Variants in RTN3 observed in about 807,000 individuals in gnomAD.
RTN3 encodes reticulon-3.
A neutral mutation model predicts 77.8 loss-of-function variants in RTN3; 49 were observed. The ratio of observed to expected loss-of-function variants is 0.63; its 90% CI spans 0.50 to 0.80. RTN3 has a LOEUF of 0.80. Ranked by LOEUF, RTN3 falls within the 30% of genes least tolerant of loss-of-function variation. The probability of loss-of-function intolerance (pLI) is 0.00; values close to 1 mark genes in which losing one functional copy is unlikely to be tolerated. For missense variants in RTN3, 1,236 were observed against 1,211.9 expected, an observed-to-expected ratio of 1.02 and a Z score of -0.29; for synonymous variants, 464 against 446.9, an observed-to-expected ratio of 1.04 and a Z score of -0.48.
At chr11:63,725,444 C>CCTTCTT (rs541722046) in intron 3 of RTN3, among the ~76,000 whole-genome samples, 152 of 139,156 alleles carry the variant, frequency 1.1e-3, no homozygotes, top group African/African-American at 3.7e-3. Context: ...TTTTTTTTTT[C>CCTTCTT]CTTTTTCTTT....
intron 2 of RTN3, among the ~76,000 whole-genome samples, chr11:63,717,226 C>T (rs2011466196): frequency 6.6e-6 from 1 of 151,898 alleles, no homozygotes; most frequent in South Asian, 2.1e-4. Flanking sequence ...TTGTTTTGAT[C>T]CTTTTCCCCA....
At chr11:63,755,688 A>G (rs1160622566) in intron 7 of RTN3, among the ~76,000 whole-genome samples, 1 of 138,258 alleles carries the variant, frequency 7.2e-6, no homozygotes, top group Non-Finnish European at 1.6e-5. Context: ...GGCTGGGCAC[A>G]GTGGCTCATG....
chr11:63,734,838 A>G (rs1174646095), intron 3 of RTN3, among the ~76,000 whole-genome samples: 2 of 151,986 alleles, frequency 1.3e-5, no homozygotes, highest in African/African-American at 2.4e-5. Context: ...AGAAGGAATC[A>G]GGATTAGAAA....
intron 2 of RTN3, among the ~76,000 whole-genome samples, chr11:63,711,420 C>T: frequency 6.7e-6 from 1 of 149,376 alleles, no homozygotes; most frequent in Admixed American, 6.7e-5. Context: ...GACAGGGTCT[C>T]ACTCTGTTGC....
intron 1 of RTN3, among the ~76,000 whole-genome samples, chr11:63,703,755 G>T (rs754682004): frequency 6.6e-6 from 1 of 151,086 alleles, no homozygotes; most frequent in Non-Finnish European, 1.5e-5. Context: ...TGTTAGCCAG[G>T]ATGGTCTTGA....
chr11:63,681,677 C>T lies in RTN3; in HGVS notation c.41C>T (p.Ser14Phe). ...GCGGCCACTCAGTCCCATTCCATCT[C>T]CTCGTCGTCCTTCGGAGCCGAGCCG... is the stretch of plus-strand genomic sequence containing the variant. ...PSAATQSHSI[S>F]SSSFGAEPSA... Residue 14 changes from serine (S) to phenylalanine (F), a missense_variant, in exon 1 of 9, where the codon TCC becomes TTC. Around this residue, in one of 3 missense-constraint regions of RTN3, gnomAD observed 1,056 missense variants for 990.4 expected, o/e 1.07. Transcript: ENST00000377819. 6 of 1,611,898 alleles carry T rather than the reference C, an allele frequency of 3.7e-6. No homozygotes were observed. Among genetic ancestry groups the T allele is most frequent in the Non-Finnish European group, 5.1e-6 (6 of 1,178,928 alleles).
At chr11:63,718,436 A>T (rs1369263443) in intron 2 of RTN3, among the ~76,000 whole-genome samples, 1 of 152,222 alleles carries the variant, frequency 6.6e-6, no homozygotes, top group Non-Finnish European at 1.5e-5. Flanking sequence ...GGAAAAGTAG[A>T]CCAAAAGTAT....
At chr11:63,701,747 A>C (rs1221198412) in intron 1 of RTN3, among the ~76,000 whole-genome samples, 1 of 151,982 alleles carries the variant, frequency 6.6e-6, no homozygotes, top group Non-Finnish European at 1.5e-5. Flanking sequence ...GGAGTTCAAG[A>C]CCAGCCTAAG....
rs540545812 is a variant in RTN3, at chr11:63,752,563, A to G, written c.2795A>G (p.Asn932Ser). Residue 932 changes from asparagine to serine, a missense_variant, in exon 5 of 9, where the codon AAT becomes AGT. This residue lies in a region of RTN3 where 141 missense variants were observed against 154.9 expected (regional missense o/e 0.91). Transcript: ENST00000377819. ...LSSEAFHNYM[N>S]AAMVHINRAL... is the part of the protein sequence containing the mutation. ...TCAGAAGCTTTCCATAATTACATGA[A>G]TGCTGCCATGGTGCACATCAACAGG... 7 of 1,613,046 alleles carry G rather than the reference A, an allele frequency of 4.3e-6. No individual in the cohort carries two copies. In the African/African-American group the frequency reaches 5.3e-5, roughly 12 times the overall value.
chr11:63,704,495 T>C (rs770280887), intron 1 of RTN3, among the ~76,000 whole-genome samples: 5 of 152,174 alleles, frequency 3.3e-5, no homozygotes, highest in African/African-American at 4.8e-5. Flanking sequence ...TTAATTAGTA[T>C]TCAGATACTT....
rs369867069 is a variant in RTN3, at chr11:63,756,087, C to A, written c.2995-25C>A. On this transcript the variant is annotated intron_variant, in intron 7 of 8. Coordinates refer to ENST00000377819, the MANE Select transcript of RTN3 (RefSeq NM_001265589.2). Reference sequence around the variant, plus strand: ...ATTGGTGATCTGTATGTTACCACAACTGAATTTATTTTCCTTCCTTAAAGA... The same window carrying A: ...ATTGGTGATCTGTATGTTACCACAAATGAATTTATTTTCCTTCCTTAAAGA... 3.5e-5 allele frequency: 56 copies of A among 1,579,452 alleles called. No homozygotes were observed. In the African/African-American group the frequency reaches 6.1e-4, roughly 17 times the overall value.
At chr11:63,735,565 T>TCTCTCC (rs1402048787) in intron 3 of RTN3, among the ~76,000 whole-genome samples, 23 of 141,758 alleles carry the variant, frequency 1.6e-4, no homozygotes, top group Non-Finnish European at 3.4e-4. Context: ...TCTCTCTCTC[T>TCTCTCC]CTCTCTCTCT....
intron 2 of RTN3, among the ~76,000 whole-genome samples, chr11:63,707,798 A>G (rs1268111945): frequency 6.6e-6 from 1 of 152,180 alleles, no homozygotes; most frequent in Non-Finnish European, 1.5e-5. Context: ...CACGCTATTC[A>G]TTGCACTCCA....
At chr11:63,747,157 G>A (rs1160267094) in intron 3 of RTN3, 6 of 384,884 alleles carry the variant, frequency 1.6e-5, no homozygotes, top group Admixed American at 2.9e-5. Context: ...TGTTTTGGGC[G>A]GGAATACCAT....
intron 3 of RTN3, among the ~76,000 whole-genome samples, chr11:63,737,289 A>G (rs2013189980): frequency 6.6e-6 from 1 of 152,210 alleles, no homozygotes; most frequent in African/African-American, 2.4e-5. Context: ...AAGATTTCTT[A>G]GGTAAAATAC....
intron 2 of RTN3, among the ~76,000 whole-genome samples, chr11:63,713,814 CA>C (rs1364708446): frequency 6.6e-6 from 1 of 152,154 alleles, no homozygotes; most frequent in African/African-American, 2.4e-5. Flanking sequence ...TCTTAGAGTG[CA>C]TGTGAAGGGA....
At chr11:63,712,528 T>C (rs1215792455) in intron 2 of RTN3, among the ~76,000 whole-genome samples, 2 of 147,360 alleles carry the variant, frequency 1.4e-5, no homozygotes, top group Non-Finnish European at 3.0e-5. Flanking sequence ...CATTGTTGCC[T>C]GGGCTAGAGT....
chr11:63,758,542 G>C lies in RTN3; in HGVS notation c.*341G>C, dbSNP rs1244505008. ...TGAAAGAACACCTCTGGGTCCTTCT[G>C]TCCAGTTTTCAGCACTAGTCTTACT... On this transcript the variant is annotated 3_prime_UTR_variant, in exon 9 of 9. Transcript: ENST00000377819. 4 of 535,860 alleles carry C rather than the reference G, an allele frequency of 7.5e-6. No homozygotes were observed. The highest frequency in any genetic ancestry group is 6.0e-5 in the East Asian group (2 of 33,218). The allele number at this position is 535,860 out of a possible 1,614,324, so 33.2% of individuals were successfully genotyped here. A position where few individuals can be genotyped will look rare whatever the true frequency, so the allele number is the denominator to read the frequency against.
chr11:63,714,898 C>T (rs944616425), intron 2 of RTN3, among the ~76,000 whole-genome samples: 1 of 152,110 alleles, frequency 6.6e-6, no homozygotes, highest in African/African-American at 2.4e-5. Flanking sequence ...GGACTTCTAA[C>T]TTTAGTTTTA....
Sources: gnomAD v4.1 joint callset for allele counts (sites outside exome capture counted in the v4.1 genomes callset) on GRCh38, gnomAD v4.1.1 for gene constraint, gnomAD v4.1.1 regional missense constraint, MANE v1.5 for transcripts, NCBI Gene and HGNC (gene_info 2026-07-23, HGNC 2026-07-21) for gene names.